GABRG2: variants seen among roughly 807,000 people sequenced by gnomAD.
The protein encoded by GABRG2 is gamma-aminobutyric acid receptor subunit gamma-2.
In GABRG2, 16 loss-of-function variants were observed where a neutral mutation model predicts 56.4. That is an observed-to-expected ratio of 0.28 (90% CI 0.19 to 0.43). GABRG2 has a LOEUF of 0.43. Ranked by LOEUF, GABRG2 falls within the 20% of genes least tolerant of loss-of-function variation. The pLI, the probability that GABRG2 is intolerant of heterozygous loss-of-function variation, is 1.00. For synonymous variants in GABRG2, 208 were observed against 205.5 expected, an observed-to-expected ratio of 1.01 and a Z score of -0.10; for missense variants, 327 against 582.7, an observed-to-expected ratio of 0.56 and a Z score of 4.52.
At chr5:162,084,373 C>T (rs1369098449) in intron 1 of GABRG2, among the ~76,000 whole-genome samples, 2 of 151,710 alleles carry the variant, frequency 1.3e-5, no homozygotes, top group Non-Finnish European at 3.0e-5. Context: ...TTCAGTTTAC[C>T]ATGAAACACT....
intron 6 of GABRG2, among the ~76,000 whole-genome samples, chr5:162,130,723 CA>C (rs1269610745): frequency 6.6e-6 from 1 of 151,964 alleles, no homozygotes; most frequent in Non-Finnish European, 1.5e-5. Context: ...ATCTTGATTG[CA>C]GGTAACCTTG....
At chr5:162,094,182 C>A in intron 2 of GABRG2, 1 of 569,282 alleles carries the variant, frequency 1.8e-6, no homozygotes, top group Non-Finnish European at 3.1e-6. Context: ...ATATTATTTT[C>A]AAGTGAAGCT....
At chr5:162,118,816 C>A (rs1281531468) in intron 6 of GABRG2, among the ~76,000 whole-genome samples, 1 of 151,934 alleles carries the variant, frequency 6.6e-6, no homozygotes, top group Non-Finnish European at 1.5e-5. Flanking sequence ...ACACAAAAGG[C>A]AAAATTCTGA....
At chr5:162,106,307 G>A (rs1486905777) in intron 6 of GABRG2, among the ~76,000 whole-genome samples, 1 of 152,088 alleles carries the variant, frequency 6.6e-6, no homozygotes, top group African/African-American at 2.4e-5. Flanking sequence ...TCCTAATATT[G>A]TGAATAGCCT....
chr5:162,147,686 A>G (rs1765068461), intron 7 of GABRG2, among the ~76,000 whole-genome samples: 1 of 152,106 alleles, frequency 6.6e-6, no homozygotes, highest in Non-Finnish European at 1.5e-5. Flanking sequence ...AAGTTTCCCT[A>G]GCACTTCCTT....
At chr5:162,114,306 T>G (rs918889565) in intron 6 of GABRG2, among the ~76,000 whole-genome samples, 1 of 152,138 alleles carries the variant, frequency 6.6e-6, no homozygotes, top group African/African-American at 2.4e-5. Flanking sequence ...TTTTCATATT[T>G]TGGAAAGCAA....
rs567253714 is a variant in GABRG2 at position 162,127,048 on chromosome 5, A to G, written c.770-15116A>G. ...GCACCATTACCTCTGCAAACCTACCATCATTAGAATTCAACCGTGGCACTC... is the reference window on the plus strand; with the variant it reads ...GCACCATTACCTCTGCAAACCTACCGTCATTAGAATTCAACCGTGGCACTC... On this transcript the variant is annotated intron_variant, in intron 6 of 9. Transcript: ENST00000639213. Among the ~76,000 whole-genome samples, 8 of 152,070 alleles carry G rather than the reference A, an allele frequency of 5.3e-5. No individual in the cohort carries two copies. In the South Asian group the frequency reaches 1.2e-3, roughly 24 times the overall value.
intron 2 of GABRG2, chr5:162,094,255 A>G (rs1019624735): frequency 1.4e-5 from 6 of 432,236 alleles, no homozygotes; most frequent in Non-Finnish European, 2.5e-5. Flanking sequence ...GTAGGAAAAA[A>G]AAAACAATGA....
intron 9 of GABRG2, 160 bp downstream of exon 9, chr5:162,151,913 C>A: frequency 1.6e-6 from 1 of 613,036 alleles, no homozygotes; most frequent in South Asian, 2.2e-5. Flanking sequence ...GTTGATTCAG[C>A]AACTATACAC....
In GABRG2 at chr5:162,089,640, T is replaced by C. The variant is rs187319297; in HGVS notation, c.108-4188T>C. The stretch of plus-strand genomic sequence containing the variant: ...AAAGGAAACATTAAAAATATAAAAA[T>C]AGTTTAAAAACACAAATAATTAATT... On this transcript the variant is annotated intron_variant, in intron 1 of 9. Transcript: ENST00000639213. 2.6e-3 allele frequency among the ~76,000 whole-genome samples: 396 copies of C among 152,184 alleles called. 5 individuals are homozygous for C. The highest frequency in any genetic ancestry group is 9.2e-3 in the African/African-American group (381 of 41,548).
intron 1 of GABRG2, among the ~76,000 whole-genome samples, chr5:162,087,947 G>A (rs1760256783): frequency 6.6e-6 from 1 of 152,092 alleles, no homozygotes; most frequent in African/African-American, 2.4e-5. Flanking sequence ...CAGGATGTGA[G>A]GTGAGAAAGT....
chr5:162,151,176 T>C (rs1388145650), intron 8 of GABRG2: 2 of 154,110 alleles, frequency 1.3e-5, no homozygotes, highest in African/African-American at 4.8e-5. Context: ...TTCAGGGTCA[T>C]GGAAATGGCA....
At position 162,155,250 on chromosome 5, in the gene GABRG2, G is replaced by A. The variant is rs1405545285; in HGVS notation, c.*1882G>A. The A allele has an allele frequency of 1.3e-5, 2 of 152,362 alleles. No homozygotes were observed. Among genetic ancestry groups the A allele is most frequent in the African/African-American group, 4.8e-5 (2 of 41,384 alleles). The allele number at this position is 152,362 out of a possible 1,614,324, so 9.4% of individuals were successfully genotyped here. A position where few individuals can be genotyped will look rare whatever the true frequency, so the allele number is the denominator to read the frequency against. Reference sequence around the variant, plus strand: ...ATAGAACGAATTATTTTCTTGTTTTGAATTGTCAATATATTAAATGTTGAC... The same window carrying A: ...ATAGAACGAATTATTTTCTTGTTTTAAATTGTCAATATATTAAATGTTGAC... On this transcript the variant is annotated 3_prime_UTR_variant, in exon 10 of 10. Coordinates refer to ENST00000639213, the MANE Select transcript of GABRG2 (RefSeq NM_198904.4).
intron 1 of GABRG2, among the ~76,000 whole-genome samples, chr5:162,075,097 G>A (rs1395395519): frequency 6.6e-6 from 1 of 152,082 alleles, no homozygotes. Flanking sequence ...CTGCGAGGAG[G>A]GGGAAGGAAA....
chr5:162,105,511 G>C (rs999983332), intron 6 of GABRG2, among the ~76,000 whole-genome samples: 1 of 136,280 alleles, frequency 7.3e-6, no homozygotes, highest in South Asian at 2.3e-4. Flanking sequence ...CTCACTGCAA[G>C]CTCTGCCTCC....
At chr5:162,135,153 T>A (rs996352124) in intron 6 of GABRG2, among the ~76,000 whole-genome samples, 1 of 152,116 alleles carries the variant, frequency 6.6e-6, no homozygotes, top group African/African-American at 2.4e-5. Flanking sequence ...GCTGAGAATC[T>A]CAAATCACCA....
chr5:162,120,354 G>A (rs965752752), intron 6 of GABRG2, among the ~76,000 whole-genome samples: 16 of 151,980 alleles, frequency 1.1e-4, no homozygotes, highest in Admixed American at 9.2e-4. Context: ...TGAGGCCTAG[G>A]AGAATATAAT....
At chr5:162,108,505 A>G (rs1761998007) in intron 6 of GABRG2, among the ~76,000 whole-genome samples, 1 of 152,128 alleles carries the variant, frequency 6.6e-6, no homozygotes, top group East Asian at 1.9e-4. Flanking sequence ...CTATGACTTT[A>G]AGGCTTAAAT....
chr5:162,073,763 T>G (rs1458154527), intron 1 of GABRG2, among the ~76,000 whole-genome samples: 1 of 151,964 alleles, frequency 6.6e-6, no homozygotes, highest in Non-Finnish European at 1.5e-5. Context: ...TAATAGGGAT[T>G]TTACAGTTTT....
Sources: allele counts gnomAD v4.1 joint callset (sites outside exome capture counted in the v4.1 genomes callset), GRCh38; gene constraint gnomAD v4.1.1; transcripts MANE v1.5; gene names NCBI Gene and HGNC (gene_info 2026-07-23, HGNC 2026-07-21).